Variants in OTOGL observed in about 807,000 individuals in gnomAD.
The protein encoded by OTOGL is otogelin like, also known as otogelin-like protein.
Under a neutral mutation model 318.5 loss-of-function variants are expected in OTOGL, and 285 were observed. The ratio of observed to expected loss-of-function variants is 0.89; its 90% confidence interval spans 0.81 to 0.99. The LOEUF is 0.99. OTOGL is among the 50% of genes least tolerant of loss of function. The pLI is 0.00. For synonymous variants in OTOGL, 987 were observed against 936.5 expected (o/e 1.05, Z -0.99); for missense variants, 2,899 against 2,845.6 (o/e 1.02, Z -0.43).
intron 1 of OTOGL, among the ~76,000 whole-genome samples, chr12:80,194,320 T>A (rs1216684643): frequency 1.3e-5 from 2 of 152,208 alleles, no homozygotes; most frequent in African/African-American, 4.8e-5. Context: ...AATAACCCAA[T>A]AATTCCCCTT....
intron 1 of OTOGL, among the ~76,000 whole-genome samples, chr12:80,185,046 C>T (rs927336433): frequency 6.6e-6 from 1 of 152,150 alleles, no homozygotes; most frequent in Non-Finnish European, 1.5e-5. Flanking sequence ...AATTTATCCT[C>T]TATATATGGA....
chr12:80,208,020 A>G (rs1212200112), intron 1 of OTOGL, among the ~76,000 whole-genome samples: 1 of 152,008 alleles, frequency 6.6e-6, no homozygotes. Context: ...TCAATTAATT[A>G]AACCTATTCA....
intron 58 of OTOGL, 55 bp downstream of exon 58, chr12:80,377,257 T>C: frequency 7.2e-7 from 1 of 1,381,420 alleles, no homozygotes; most frequent in Non-Finnish European, 1.0e-6. Context: ...TTAGAAAGTA[T>C]GTGTGTTACA....
At chr12:80,253,766 T>TC (rs1881782903) in intron 14 of OTOGL, among the ~76,000 whole-genome samples, 192 bp downstream of exon 14, 1 of 152,182 alleles carries the variant, frequency 6.6e-6, no homozygotes. Context: ...TCTTATCACT[T>TC]ACCTTGGTAA....
Position 80,267,247 on chromosome 12 carries a change from G to A in OTOGL, c.2391-6G>A, listed in dbSNP as rs9783425. ...ATCCTATTTACTTTACTTTTTCTTC[G>A]TATAGATTCCACTGCCGTTGTCATT... is the stretch of plus-strand genomic sequence containing the variant. On this transcript the variant is annotated splice_region_variant and splice_polypyrimidine_tract_variant and intron_variant, in intron 21 of 58. Transcript: ENST00000547103. 0.01 allele frequency: 15,624 copies of A among 1,513,180 alleles called. 1,321 individuals carry two copies. In the African/African-American group the frequency reaches 0.19, roughly 18 times the overall value. The allele number at this position is 1,513,180 out of a possible 1,614,324, so 93.7% of individuals were successfully genotyped here. A position where few individuals can be genotyped will look rare whatever the true frequency, so the allele number is the denominator to read the frequency against.
At chr12:80,172,347 A>G (rs1420271616) in intron 1 of OTOGL, among the ~76,000 whole-genome samples, 2 of 152,088 alleles carry the variant, frequency 1.3e-5, no homozygotes, top group Admixed American at 1.3e-4. Context: ...CATTCCTTCT[A>G]TTGTTCCAGC....
rs1890903760 is a variant in OTOGL, at chr12:80,372,002, C to CT, written c.6736-11dup. The CT allele has an allele frequency of 2.0e-6, 3 of 1,502,618 alleles. No homozygotes were observed. Among genetic ancestry groups the CT allele is most frequent in the African/African-American group, 1.4e-5 (1 of 71,540 alleles). 93.1% of individuals were successfully genotyped at this position (1,502,618 alleles called of 1,614,324 possible). A position where few individuals can be genotyped will look rare whatever the true frequency, so the allele number is the denominator to read the frequency against. On this transcript the variant is annotated splice_polypyrimidine_tract_variant and intron_variant, in intron 56 of 58. Coordinates refer to ENST00000547103, the MANE Select transcript of OTOGL (RefSeq NM_001378609.3). ...AACACCATATTCTTTGACTTTATTG[C>CT]TTTTTTCTCTTTCTAGAATGAAGGG...
At chr12:80,177,026 T>C (rs1245064322) in intron 1 of OTOGL, among the ~76,000 whole-genome samples, 5 of 152,112 alleles carry the variant, frequency 3.3e-5, no homozygotes, top group Admixed American at 6.6e-5. Context: ...AAAAACTGGG[T>C]TGTTTATCTT....
chr12:80,288,742 A>C (rs1213770368), intron 26 of OTOGL, among the ~76,000 whole-genome samples: 1 of 151,840 alleles, frequency 6.6e-6, no homozygotes, highest in East Asian at 1.9e-4. Flanking sequence ...TTTCAACTCC[A>C]CCAGGTCATT....
At chr12:80,312,677 A>T (rs796406546) in intron 30 of OTOGL, among the ~76,000 whole-genome samples, 2 of 152,290 alleles carry the variant, frequency 1.3e-5, no homozygotes, top group African/African-American at 4.8e-5. Flanking sequence ...CTTGACAAGG[A>T]ATATTGTGTC....
At chr12:80,312,140 G>C (rs1886674162) in intron 30 of OTOGL, among the ~76,000 whole-genome samples, 1 of 152,144 alleles carries the variant, frequency 6.6e-6, no homozygotes, top group Non-Finnish European at 1.5e-5. Flanking sequence ...TTTTGATATA[G>C]TGTCAAAGAA....
At chr12:80,258,519 T>C (rs1490488028) in intron 18 of OTOGL, among the ~76,000 whole-genome samples, 1 of 152,122 alleles carries the variant, frequency 6.6e-6, no homozygotes, top group African/African-American at 2.4e-5. Context: ...TGGTGTTTCA[T>C]TGGAAAAGAA....
chr12:80,180,662 A>C (rs1874858582), intron 1 of OTOGL, among the ~76,000 whole-genome samples: 1 of 152,212 alleles, frequency 6.6e-6, no homozygotes. Flanking sequence ...AAAATCCAAA[A>C]GACCTAAAAG....
chr12:80,365,685 T>G (rs1016792930), intron 52 of OTOGL, among the ~76,000 whole-genome samples: 1 of 152,102 alleles, frequency 6.6e-6, no homozygotes, highest in African/African-American at 2.4e-5. Context: ...TCCTGAAATA[T>G]CAAATGAATT....
intron 35 of OTOGL, among the ~76,000 whole-genome samples, chr12:80,327,260 T>C (rs1887732083): frequency 6.6e-6 from 1 of 152,198 alleles, no homozygotes; most frequent in African/African-American, 2.4e-5. Context: ...CCCTCCTGTC[T>C]TTGGCCCACA....
chr12:80,149,357 A>T lies in OTOGL; in HGVS notation c.-20+49752A>T, dbSNP rs562324474. Among the ~76,000 whole-genome samples, 329 of 142,360 alleles carry T rather than the reference A, an allele frequency of 2.3e-3. 1 individual carries two copies. The highest frequency in any genetic ancestry group is 8.1e-3 in the African/African-American group (319 of 39,416). The allele number at this position is 142,360 out of a possible 152,430, so 93.4% of individuals were successfully genotyped here. On this transcript the variant is annotated intron_variant, in intron 1 of 58. Coordinates refer to ENST00000547103, the MANE Select transcript of OTOGL (RefSeq NM_001378609.3). ...CCCTGCTGGGGGGTGCCTCCCAGTT[A>T]GGCTGCTCGGGGGTCGGGGGCCAGG...
chr12:80,305,104 T>A (rs989574812), intron 28 of OTOGL, among the ~76,000 whole-genome samples: 2 of 152,166 alleles, frequency 1.3e-5, no homozygotes, highest in East Asian at 3.8e-4. Context: ...GGCAATATGA[T>A]ATATTCCAAC....
At chr12:80,338,107 A>G (rs968280478) in intron 42 of OTOGL, among the ~76,000 whole-genome samples, 1 of 152,112 alleles carries the variant, frequency 6.6e-6, no homozygotes, top group Non-Finnish European at 1.5e-5. Context: ...TGATAAAACA[A>G]CATAGGTCCT....
chr12:80,168,646 T>C (rs917949406), intron 1 of OTOGL, among the ~76,000 whole-genome samples: 7 of 152,218 alleles, frequency 4.6e-5, no homozygotes, highest in Non-Finnish European at 1.0e-4. Context: ...AGTAACTTTA[T>C]TTTGGCAGTC....
Sources: gnomAD v4.1 joint callset for allele counts (sites outside exome capture counted in the v4.1 genomes callset) on GRCh38, gnomAD v4.1.1 for gene constraint, MANE v1.5 for transcripts, NCBI Gene and HGNC (gene_info 2026-07-23, HGNC 2026-07-21) for gene names.